Variants in ARHGAP19 observed in about 807,000 individuals in gnomAD.
The protein encoded by ARHGAP19 is rho GTPase-activating protein 19.
ARHGAP19 carries 48 observed loss-of-function variants against 60.9 expected under a neutral mutation model. That is an observed-to-expected ratio of 0.79 (90% CI 0.62 to 1.00). ARHGAP19 has a LOEUF of 1.00. ARHGAP19 is among the 50% of genes least tolerant of loss of function. ARHGAP19 has a pLI of 0.00. For synonymous variants in ARHGAP19, 209 were observed against 215.5 expected, an observed-to-expected ratio of 0.97 and a Z score of 0.27; for missense variants, 562 against 597.2, an observed-to-expected ratio of 0.94 and a Z score of 0.61.
intron 1 of ARHGAP19, among the ~76,000 whole-genome samples, chr10:97,280,120 C>T (rs1350424832): frequency 6.6e-6 from 1 of 152,076 alleles, no homozygotes; most frequent in Non-Finnish European, 1.5e-5. Context: ...AAGAAAGTAA[C>T]ATCAGGCTGG....
chr10:97,246,827 C>G (rs989355879), intron 6 of ARHGAP19, among the ~76,000 whole-genome samples: 5 of 151,920 alleles, frequency 3.3e-5, no homozygotes, highest in African/African-American at 1.2e-4. Context: ...ACAGGGAGAC[C>G]CCCAACTCTA....
intron 8 of ARHGAP19, among the ~76,000 whole-genome samples, chr10:97,243,749 A>T (rs1465295190): frequency 6.6e-6 from 1 of 152,198 alleles, no homozygotes; most frequent in Non-Finnish European, 1.5e-5. Context: ...GAGACTCTCT[A>T]ACCACACTTG....
chr10:97,254,339 A>G (rs1042018957), intron 6 of ARHGAP19, among the ~76,000 whole-genome samples: 1 of 152,224 alleles, frequency 6.6e-6, no homozygotes, highest in Non-Finnish European at 1.5e-5. Context: ...ATAAAGTCAG[A>G]TAAGTAGACC....
At position 97,292,622 on chromosome 10, in the gene ARHGAP19, C is replaced by T. The variant is rs559089484; in HGVS notation, c.6G>A (p.Ala2=). The T allele has an allele frequency of 1.2e-6, 2 of 1,614,210 alleles. No homozygotes were observed. The highest frequency in any genetic ancestry group is 1.7e-6 in the Non-Finnish European group (2 of 1,180,034). Residue 2 remains alanine (A), a synonymous_variant, in exon 1 of 12, where the codon GCG becomes GCA. Transcript: ENST00000358531. M[A]TEAQSEGEVP... The stretch of plus-strand genomic sequence containing the variant: ...CCTCCCCTTCACTCTGTGCCTCAGT[C>T]GCCATCTTCGTCAGCAAACTTCTTT...
chr10:97,281,289 T>C (rs1589380986), intron 1 of ARHGAP19, among the ~76,000 whole-genome samples: 1 of 151,960 alleles, frequency 6.6e-6, no homozygotes, highest in East Asian at 1.9e-4. Context: ...CGGTCCCAAC[T>C]ACTCAGGAGG....
At chr10:97,235,093 C>T in intron 9 of ARHGAP19, 124 bp downstream of exon 9, 1 of 825,730 alleles carries the variant, frequency 1.2e-6, no homozygotes, top group Non-Finnish European at 1.9e-6. Flanking sequence ...TGTCTTTACC[C>T]CCTTATAAAC....
At chr10:97,287,919 G>C (rs926032565) in intron 1 of ARHGAP19, among the ~76,000 whole-genome samples, 1 of 152,098 alleles carries the variant, frequency 6.6e-6, no homozygotes, top group Non-Finnish European at 1.5e-5. Flanking sequence ...AAAATTAGCC[G>C]GGCTTGGTGG....
chr10:97,268,481 C>T (rs1019159491), intron 1 of ARHGAP19, among the ~76,000 whole-genome samples: 1 of 152,140 alleles, frequency 6.6e-6, no homozygotes, highest in Non-Finnish European at 1.5e-5. Flanking sequence ...TCTGTTCTCA[C>T]GCTGTTAATA....
chr10:97,232,931 T>C (rs1173968652), intron 9 of ARHGAP19, among the ~76,000 whole-genome samples: 2 of 152,006 alleles, frequency 1.3e-5, no homozygotes, highest in African/African-American at 4.8e-5. Flanking sequence ...GCAGATTACT[T>C]GAGGCCAGGA....
intron 1 of ARHGAP19, among the ~76,000 whole-genome samples, chr10:97,272,131 C>CTTTTTTTTTTTTTTTTTTTTTTTTTT (rs35980234): frequency 5.8e-5 from 5 of 85,634 alleles, no homozygotes; most frequent in Non-Finnish European, 1.0e-4. Flanking sequence ...GGAAATATGT[C>CTTTTTTTTTTTTTTTTTTTTTTTTTT]TTTTTTTTTT....
At chr10:97,290,467 A>G (rs568388726) in intron 1 of ARHGAP19, among the ~76,000 whole-genome samples, 1 of 152,204 alleles carries the variant, frequency 6.6e-6, no homozygotes, top group African/African-American at 2.4e-5. Context: ...CACAGCTTCT[A>G]ATAGAGCTGT....
At chr10:97,238,443 C>A (rs936301602) in intron 8 of ARHGAP19, among the ~76,000 whole-genome samples, 4 of 152,100 alleles carry the variant, frequency 2.6e-5, no homozygotes, top group African/African-American at 9.7e-5. Context: ...GTCTCGAACT[C>A]CTGGCTTAAA....
At chr10:97,286,767 T>C (rs1843161651) in intron 1 of ARHGAP19, among the ~76,000 whole-genome samples, 1 of 152,216 alleles carries the variant, frequency 6.6e-6, no homozygotes, top group Non-Finnish European at 1.5e-5. Flanking sequence ...TAATAATAGT[T>C]AGCACTTTCT....
At chr10:97,247,406 A>G (rs1842578266) in intron 6 of ARHGAP19, among the ~76,000 whole-genome samples, 1 of 152,196 alleles carries the variant, frequency 6.6e-6, no homozygotes, top group Non-Finnish European at 1.5e-5. Context: ...AAAATAATAC[A>G]ACTACCATAG....
intron 1 of ARHGAP19, among the ~76,000 whole-genome samples, chr10:97,290,267 C>CA (rs1843214108): frequency 1.4e-5 from 2 of 140,062 alleles, no homozygotes; most frequent in African/African-American, 5.0e-5. Flanking sequence ...CGCTGACTCC[C>CA]ATCCCGCTGC....
At chr10:97,238,640 TTG>T (rs1298046645) in intron 8 of ARHGAP19, among the ~76,000 whole-genome samples, 1 of 152,238 alleles carries the variant, frequency 6.6e-6, no homozygotes, top group Non-Finnish European at 1.5e-5. Context: ...CATAGTGTTT[TTG>T]TGTTTTAAGC....
intron 1 of ARHGAP19, among the ~76,000 whole-genome samples, chr10:97,284,714 C>G (rs748340513): frequency 3.3e-5 from 5 of 151,860 alleles, no homozygotes; most frequent in Non-Finnish European, 5.9e-5. Context: ...GCTAGGTTGC[C>G]CAGGCTGGTC....
At chr10:97,242,902 G>A (rs999063671) in intron 8 of ARHGAP19, among the ~76,000 whole-genome samples, 2 of 151,816 alleles carry the variant, frequency 1.3e-5, no homozygotes, top group Admixed American at 1.3e-4. Context: ...CACCCGCCTA[G>A]GCCTCCCAAA....
intron 9 of ARHGAP19, 47 bp from the exon 10 acceptor site, chr10:97,229,921 C>T: frequency 7.5e-7 from 1 of 1,341,296 alleles, no homozygotes; most frequent in Non-Finnish European, 1.1e-6. Flanking sequence ...CCTACTGCAT[C>T]TACAGTGGAG....
Sources: gnomAD v4.1 joint callset for allele counts (sites outside exome capture counted in the v4.1 genomes callset) on GRCh38, gnomAD v4.1.1 for gene constraint, MANE v1.5 for transcripts, NCBI Gene and HGNC (gene_info 2026-07-23, HGNC 2026-07-21) for gene names.